SLC5A11: variants seen among roughly 807,000 people sequenced by gnomAD.
The protein encoded by SLC5A11 is solute carrier family 5 member 11, also known as sodium/myo-inositol cotransporter 2.
SLC5A11 carries 48 observed loss-of-function variants against 69.8 expected under a neutral mutation model. The observed-to-expected ratio is 0.69, with a 90% CI of 0.55 to 0.87. The LOEUF (loss-of-function observed/expected upper bound fraction) is 0.87. Ranked by LOEUF, SLC5A11 falls within the 40% of genes least tolerant of loss-of-function variation. The probability of loss-of-function intolerance (pLI) is 0.00; values close to 1 mark genes in which losing one functional copy is unlikely to be tolerated. For missense variants in SLC5A11, 784 were observed against 866.1 expected, an observed-to-expected ratio of 0.91 and a Z score of 1.19; for synonymous variants, 319 against 342.4, an observed-to-expected ratio of 0.93 and a Z score of 0.75.
intron 8 of SLC5A11, among the ~76,000 whole-genome samples, chr16:24,888,478 CTTTTTTTTTTT>C (rs891552223): frequency 6.5e-4 from 53 of 81,422 alleles, no homozygotes; most frequent in Non-Finnish European, 9.7e-4. Flanking sequence ...GTATCTATTT[CTTTTTTTTTTT>C]TTTTTTTTTT....
chr16:24,861,983 A>G (rs924366012), intron 2 of SLC5A11: 7 of 152,048 alleles, frequency 4.6e-5, no homozygotes, highest in African/African-American at 1.4e-4. Flanking sequence ...GCATGTGAAG[A>G]CACAGAGGAG....
intron 10 of SLC5A11, among the ~76,000 whole-genome samples, chr16:24,902,485 T>C (rs1042721765): frequency 1.3e-5 from 2 of 151,930 alleles, no homozygotes; most frequent in African/African-American, 2.4e-5. Flanking sequence ...TGGGTTGATA[T>C]ATGGAAGATC....
Position 24,911,262 on chromosome 16 carries a change from C to A in SLC5A11, c.1823-66C>A. On this transcript the variant is annotated intron_variant, in intron 15 of 15. Transcript: ENST00000347898. Reference sequence around the variant, plus strand: ...GCACTTGAACACATCTGGTGAGTGTCCCTGTCTCACCTCTCTGGGAGATAC... The same window carrying A: ...GCACTTGAACACATCTGGTGAGTGTACCTGTCTCACCTCTCTGGGAGATAC... 6 of 1,475,976 alleles carry A rather than the reference C, an allele frequency of 4.1e-6. No individual in the cohort carries two copies. In the Admixed American group the frequency reaches 8.4e-5, roughly 21 times the overall value. 91.4% of individuals were successfully genotyped at this position (1,475,976 alleles called of 1,614,324 possible).
intron 10 of SLC5A11, among the ~76,000 whole-genome samples, chr16:24,905,681 CACAG>C (rs1820049004): frequency 2.8e-5 from 4 of 141,400 alleles, no homozygotes; most frequent in Admixed American, 1.4e-4. Flanking sequence ...CACACACACA[CACAG>C]AGTTTAGAAA....
intron 1 of SLC5A11, among the ~76,000 whole-genome samples, chr16:24,849,593 A>AAAAAAAAAATATATATAT: frequency 2.8e-5 from 1 of 35,918 alleles, no homozygotes; most frequent in African/African-American, 9.2e-5. Context: ...AAAAAAAAAA[A>AAAAAAAAAATATATATAT]ATATATATAT....
chr16:24,851,886 A>G (rs2059324440), intron 1 of SLC5A11, among the ~76,000 whole-genome samples: 1 of 151,632 alleles, frequency 6.6e-6, no homozygotes, highest in Non-Finnish European at 1.5e-5. Context: ...CGACATATCT[A>G]TTTCCTGGAG....
At chr16:24,853,661 C>T (rs549789799) in intron 1 of SLC5A11, among the ~76,000 whole-genome samples, 4 of 152,344 alleles carry the variant, frequency 2.6e-5, no homozygotes, top group East Asian at 1.9e-4. Flanking sequence ...GGATCCCACC[C>T]GCGGCACTGA....
At chr16:24,882,375 A>G (rs1323063055) in intron 7 of SLC5A11, among the ~76,000 whole-genome samples, 2 of 152,180 alleles carry the variant, frequency 1.3e-5, no homozygotes, top group African/African-American at 4.8e-5. Flanking sequence ...CAGGGAACTG[A>G]GGCCAGAATC....
At position 24,868,942 on chromosome 16, in the gene SLC5A11, G is replaced by A. The variant is rs1268486877; in HGVS notation, c.208-959G>A. Among the ~76,000 whole-genome samples, 5 of 148,498 alleles carry A rather than the reference G, an allele frequency of 3.4e-5. No homozygotes were observed. The East Asian group carries it at 6.0e-4, about 18-fold the overall frequency. On this transcript the variant is annotated intron_variant, in intron 3 of 15. Transcript: ENST00000347898. ...GAGTGCAGTGGTGCAATCTCGGCTC[G>A]TTGCAACCTCCACCTCCCGGGCTCG...
rs1465008316 is a variant in SLC5A11, at chr16:24,895,151, AAG to A, written c.871-2821_871-2820del. On this transcript the variant is annotated intron_variant, in intron 9 of 15. Transcript: ENST00000347898. ...GAAAAAAAGAAAGAAAGAAAAAAAA[AAG>A]AACCATCCGACTACTCTCCCTTTTA... Among the ~76,000 whole-genome samples the A allele has an allele frequency of 2.7e-5, 4 of 149,748 alleles. No individual in the cohort carries two copies. The East Asian group carries it at 1.2e-3, about 45-fold the overall frequency.
chr16:24,887,525 T>A (rs746558185), intron 8 of SLC5A11, among the ~76,000 whole-genome samples: 6 of 152,078 alleles, frequency 3.9e-5, no homozygotes, highest in Non-Finnish European at 8.8e-5. Flanking sequence ...ACCCTTTATG[T>A]AGGAAATATG....
intron 4 of SLC5A11, among the ~76,000 whole-genome samples, chr16:24,871,623 A>T (rs1435180354): frequency 1.3e-5 from 2 of 152,084 alleles, no homozygotes; most frequent in Admixed American, 1.3e-4. Flanking sequence ...AGGCATATTA[A>T]TGGTACCTGT....
At chr16:24,907,530 G>A (rs1365858974) in intron 12 of SLC5A11, among the ~76,000 whole-genome samples, 1 of 152,044 alleles carries the variant, frequency 6.6e-6, no homozygotes, top group Non-Finnish European at 1.5e-5. Flanking sequence ...TGGCCAACAT[G>A]GTGAAACCTC....
At chr16:24,876,948 G>C (rs546090898) in intron 6 of SLC5A11, 124 of 361,912 alleles carry the variant, frequency 3.4e-4, no homozygotes, top group Non-Finnish European at 4.3e-4. Flanking sequence ...GAGTTTGAGT[G>C]GGGAGGAGAA....
rs142615879 is a variant in SLC5A11 at position 24,910,441 on chromosome 16, G to A, written c.1786G>A (p.Glu596Lys). 8.5e-5 allele frequency: 138 copies of A among 1,614,066 alleles called. No individual in the cohort carries two copies. Among genetic ancestry groups the A allele is most frequent in the African/African-American group, 5.2e-4 (39 of 74,994 alleles). Residue 596 changes from glutamate to lysine, a missense_variant, in exon 15 of 16, where the codon GAG becomes AAG. Coordinates refer to ENST00000347898, the Ensembl canonical transcript of SLC5A11. ...CAGCAGCAGCAGCAGCGTCCAGTTC[G>A]AGATGGTTCAAGAAAACACGTCTAA...
At chr16:24,908,976 T>C in exon 14 of SLC5A11, 1 of 1,614,140 alleles carries the variant, frequency 6.2e-7, no homozygotes, top group South Asian at 1.1e-5. Flanking sequence ...ACCAGCCAGA[T>C]GAGCGCCCGG....
chr16:24,865,798 A>G (rs574341082), intron 3 of SLC5A11, among the ~76,000 whole-genome samples: 1 of 152,036 alleles, frequency 6.6e-6, no homozygotes, highest in African/African-American at 2.4e-5. Context: ...TAAAGACATC[A>G]GAGAGTAACT....
intron 8 of SLC5A11, among the ~76,000 whole-genome samples, chr16:24,890,483 CAAAAAAAAAAAAAAA>C (rs1171814653): frequency 4.6e-4 from 36 of 77,500 alleles, no homozygotes; most frequent in African/African-American, 1.6e-3. Context: ...GACTTCATAT[CAAAAAAAAAAAAAAA>C]AAAAAAAAAA....
rs80220650 is a variant in SLC5A11 at position 24,885,836 on chromosome 16, T to A, written c.664+1705T>A. On this transcript the variant is annotated intron_variant, in intron 8 of 15. Coordinates refer to ENST00000347898, the Ensembl canonical transcript of SLC5A11. ...GGAATCCTGAACTCTATGAAACATG[T>A]ATGAAAGATAGAAGTAGAGGACAAA... Among the ~76,000 whole-genome samples the A allele has an allele frequency of 1.7e-3, 257 of 151,812 alleles. 1 individual carries two copies. Among genetic ancestry groups the A allele is most frequent in the African/African-American group, 5.9e-3 (244 of 41,402 alleles).
Sources: gnomAD v4.1 joint callset for allele counts (sites outside exome capture counted in the v4.1 genomes callset) on GRCh38, gnomAD v4.1.1 for gene constraint, MANE v1.5 for transcripts, NCBI Gene and HGNC (gene_info 2026-07-23, HGNC 2026-07-21) for gene names.